Variants in ZNF627 observed in about 807,000 individuals in gnomAD.
ZNF627 encodes the protein zinc finger protein 627.
A neutral mutation model predicts 10.6 loss-of-function variants in ZNF627; 12 were observed. The observed-to-expected ratio is 1.13, with a 90% confidence interval of 0.73 to 1.84. ZNF627 has a LOEUF of 1.84. Among genes scored for constraint, ZNF627 ranks in the 40% most tolerant of loss-of-function variants. ZNF627 has a pLI of 0.00. For synonymous variants in ZNF627, 176 were observed against 187.1 expected, an observed-to-expected ratio of 0.94 and a Z score of 0.48; for missense variants, 504 against 568.4, an observed-to-expected ratio of 0.89 and a Z score of 1.15.
chr19:11,605,875 G>C lies in ZNF627; in HGVS notation c.3+8245G>C, dbSNP rs1973665749. Among the ~76,000 whole-genome samples, 5 of 152,066 alleles carry C rather than the reference G, an allele frequency of 3.3e-5. No individual in the cohort carries two copies. The South Asian group carries it at 1.0e-3, about 32-fold the overall frequency. On this transcript the variant is annotated intron_variant, in intron 1 of 3. Transcript: ENST00000361113. ...TCCAAACTCATCTGAGACAAGGCAA[G>C]TCCCTTCTGCCTATGAGCCTGTAAA...
At chr19:11,613,673 C>T (rs1435705346) in intron 1 of ZNF627, among the ~76,000 whole-genome samples, 2 of 151,162 alleles carry the variant, frequency 1.3e-5, no homozygotes, top group Admixed American at 6.6e-5. Context: ...TACACTTAGC[C>T]TTTAGTAATT....
In ZNF627 at chr19:11,617,903, C is replaced by T. The variant is rs370954376; in HGVS notation, c.*14C>T. The T allele has an allele frequency of 2.7e-6, 4 of 1,507,414 alleles. No individual in the cohort carries two copies. In the African/African-American group the frequency reaches 5.6e-5, roughly 21 times the overall value. 93.4% of individuals were successfully genotyped at this position (1,507,414 alleles called of 1,614,324 possible). A position where few individuals can be genotyped will look rare whatever the true frequency, so the allele number is the denominator to read the frequency against. On this transcript the variant is annotated 3_prime_UTR_variant, in exon 4 of 4. Coordinates refer to ENST00000361113, the MANE Select transcript of ZNF627 (RefSeq NM_145295.4). ...GTTCTTTCATGAGCATGAAAGGAGT[C>T]ACATAGAGAAACCCCATGAAAGTAA...
intron 1 of ZNF627, among the ~76,000 whole-genome samples, chr19:11,598,061 A>AGGCT (rs1973523839): frequency 2.0e-5 from 3 of 152,150 alleles, no homozygotes; most frequent in African/African-American, 7.2e-5. Context: ...ATGGAAGGAA[A>AGGCT]GGCTGTAAGG....
At position 11,618,784 on chromosome 19, in the gene ZNF627, A is replaced by G. The variant is rs1973923222; in HGVS notation, c.*895A>G. 1.3e-5 allele frequency: 2 copies of G among 152,242 alleles called. No individual in the cohort carries two copies. The highest frequency in any genetic ancestry group is 2.9e-5 in the Non-Finnish European group (2 of 68,030). The allele number at this position is 152,242 out of a possible 1,614,324, so 9.4% of individuals were successfully genotyped here. On this transcript the variant is annotated 3_prime_UTR_variant, in exon 4 of 4. Transcript: ENST00000361113. ...AGTTGTTTGATTATATGTGACTAATATGTATTTTTTATTCAAACAAGACTT... is the reference window on the plus strand; with the variant it reads ...AGTTGTTTGATTATATGTGACTAATGTGTATTTTTTATTCAAACAAGACTT...
intron 1 of ZNF627, among the ~76,000 whole-genome samples, chr19:11,611,797 C>T (rs879737598): frequency 3.9e-5 from 6 of 152,100 alleles, no homozygotes; most frequent in South Asian, 2.1e-4. Context: ...GCAGAGGGGA[C>T]GTCCTTATTA....
chr19:11,616,538 C>T (rs977212177), intron 3 of ZNF627, among the ~76,000 whole-genome samples, 157 bp from the exon 4 acceptor site: 15 of 152,020 alleles, frequency 9.9e-5, no homozygotes, highest in Admixed American at 9.2e-4. Flanking sequence ...TGAGAGGATC[C>T]CTTGAGCCTT....
chr19:11,617,138 T>C lies in ZNF627; in HGVS notation c.635T>C (p.Ile212Thr). ...TTTGATTATCCCAGTTTATTTCGTA[T>C]ACATGAAAGAAGTCACACTGGAGAG... ...KAFDYPSLFRIHERSHTGEKP... is the reference protein window; with the variant it reads ...KAFDYPSLFRTHERSHTGEKP... Residue 212 changes from isoleucine to threonine, a missense_variant, in exon 4 of 4, where the codon ATA becomes ACA. Transcript: ENST00000361113. The C allele has an allele frequency of 1.2e-6, 2 of 1,613,936 alleles. No individual in the cohort carries two copies. The highest frequency in any genetic ancestry group is 1.7e-6 in the Non-Finnish European group (2 of 1,179,986).
chr19:11,615,094 G>A (rs1054011812), intron 3 of ZNF627, among the ~76,000 whole-genome samples: 33 of 151,336 alleles, frequency 2.2e-4, no homozygotes, highest in African/African-American at 7.5e-4. Context: ...CTACAGGCAC[G>A]TGCCACCACG....
chr19:11,612,157 G>A (rs1246623905), intron 1 of ZNF627, among the ~76,000 whole-genome samples: 5 of 116,374 alleles, frequency 4.3e-5, no homozygotes, highest in Non-Finnish European at 4.8e-5. Context: ...GTCTCGCTCT[G>A]TCGCCCAGGC....
At position 11,613,765 on chromosome 19, in the gene ZNF627, T is replaced by C. The variant is rs139314112; in HGVS notation, c.4-762T>C. Among the ~76,000 whole-genome samples the C allele has an allele frequency of 3.9e-5, 6 of 152,262 alleles. No individual in the cohort carries two copies. The East Asian group carries it at 1.2e-3, about 29-fold the overall frequency. ...TATGGGAGTCTGTTCTAGTAAGTTATGACTCTTTTATCAGTTAGGTTGGTG... is the reference window on the plus strand; with the variant it reads ...TATGGGAGTCTGTTCTAGTAAGTTACGACTCTTTTATCAGTTAGGTTGGTG... On this transcript the variant is annotated intron_variant, in intron 1 of 3. Coordinates refer to ENST00000361113, the MANE Select transcript of ZNF627 (RefSeq NM_145295.4).
At chr19:11,605,878 C>A (rs1233561876) in intron 1 of ZNF627, among the ~76,000 whole-genome samples, 1 of 152,124 alleles carries the variant, frequency 6.6e-6, no homozygotes, top group Admixed American at 6.6e-5. Flanking sequence ...AAGGCAAGTC[C>A]CTTCTGCCTA....
rs1414033845 is a variant in ZNF627, at chr19:11,604,613, C to T, written c.3+6983C>T. On this transcript the variant is annotated intron_variant, in intron 1 of 3. Coordinates refer to ENST00000361113, the MANE Select transcript of ZNF627 (RefSeq NM_145295.4). ...ATGTGTGGTTCCCAGCTCCTTCATC[C>T]CCAGTGGGAGGGAGCCTGTCATCCC... Among the ~76,000 whole-genome samples the T allele has an allele frequency of 2.0e-5, 3 of 152,154 alleles. No individual in the cohort carries two copies. The East Asian group carries it at 5.8e-4, about 29-fold the overall frequency.
intron 3 of ZNF627, among the ~76,000 whole-genome samples, chr19:11,616,493 C>T (rs1386514945): frequency 1.3e-5 from 2 of 152,228 alleles, no homozygotes; most frequent in South Asian, 2.1e-4. Context: ...CATGGTGGCT[C>T]ACGCCTGTAA....
chr19:11,602,447 C>T (rs944526615), intron 1 of ZNF627, among the ~76,000 whole-genome samples: 3 of 152,112 alleles, frequency 2.0e-5, no homozygotes, highest in Admixed American at 1.3e-4. Context: ...ATACAAAAGA[C>T]GGGGGAGTTT....
At chr19:11,616,190 A>G (rs1240338512) in intron 3 of ZNF627, among the ~76,000 whole-genome samples, 1 of 151,450 alleles carries the variant, frequency 6.6e-6, no homozygotes, top group Non-Finnish European at 1.5e-5. Context: ...CGCGTGCTCC[A>G]CTGCGCCTGG....
At chr19:11,598,876 A>G (rs977646421) in intron 1 of ZNF627, among the ~76,000 whole-genome samples, 1 of 152,076 alleles carries the variant, frequency 6.6e-6, no homozygotes, top group Non-Finnish European at 1.5e-5. Context: ...AGGCACAGGG[A>G]TGTTCTCAGA....
At chr19:11,608,818 A>G (rs560386522) in intron 1 of ZNF627, among the ~76,000 whole-genome samples, 26 of 151,938 alleles carry the variant, frequency 1.7e-4, no homozygotes, top group Admixed American at 1.4e-3. Flanking sequence ...TGCCCAGCCA[A>G]TTTTGCCCAT....
chr19:11,611,231 T>C (rs1378931952), intron 1 of ZNF627, among the ~76,000 whole-genome samples: 2 of 152,204 alleles, frequency 1.3e-5, no homozygotes, highest in African/African-American at 2.4e-5. Context: ...GTTTTTTATA[T>C]GTTCTTGATA....
intron 1 of ZNF627, among the ~76,000 whole-genome samples, chr19:11,600,839 T>C (rs1354437248): frequency 6.6e-6 from 1 of 152,214 alleles, no homozygotes; most frequent in African/African-American, 2.4e-5. Context: ...TTTGTTACCA[T>C]AGAAAGAATA....
Sources: gnomAD v4.1 joint callset for allele counts (sites outside exome capture counted in the v4.1 genomes callset) on GRCh38, gnomAD v4.1.1 for gene constraint, MANE v1.5 for transcripts, NCBI Gene and HGNC (gene_info 2026-07-23, HGNC 2026-07-21) for gene names.